ITGA8: variants seen among roughly 807,000 people sequenced by gnomAD.
ITGA8 encodes the protein integrin alpha-8.
ITGA8 carries 91 observed loss-of-function variants against 142.3 expected under a neutral mutation model. The ratio of observed to expected loss-of-function variants is 0.64; its 90% CI spans 0.54 to 0.76. ITGA8 has a LOEUF of 0.76. Among genes scored for constraint, ITGA8 ranks in the 30% least tolerant of loss-of-function variants. ITGA8 has a pLI of 0.00. For missense variants in ITGA8, 1,406 were observed against 1,327.7 expected, an observed-to-expected ratio of 1.06 and a Z score of -0.92; for synonymous variants, 505 against 485.2, an observed-to-expected ratio of 1.04 and a Z score of -0.54.
In ITGA8 at chr10:15,597,242, A is replaced by G. The variant is rs142698303; in HGVS notation, c.2176T>C (p.Cys726Arg). 6.2e-7 allele frequency: 1 copy of G among 1,614,000 alleles called. No homozygotes were observed. Among genetic ancestry groups the G allele is most frequent in the Non-Finnish European group, 8.5e-7 (1 of 1,179,940 alleles). Residue 726 changes from cysteine to arginine, a missense_variant, in exon 21 of 30, where the codon TGT (cysteine) becomes CGT (arginine). Transcript: ENST00000378076. ...KMENVTRMVVCDLGNPMVSGT... is the reference protein window; with the variant it reads ...KMENVTRMVVRDLGNPMVSGT... ...GACACCATAGGGTTCCCAAGGTCACACACCACCATCCTGGTTACATTTTCC... is the reference window on the plus strand; with the variant it reads ...GACACCATAGGGTTCCCAAGGTCACGCACCACCATCCTGGTTACATTTTCC...
chr10:15,529,544 T>C (rs1833249640), intron 28 of ITGA8, among the ~76,000 whole-genome samples: 1 of 152,178 alleles, frequency 6.6e-6, no homozygotes, highest in South Asian at 2.1e-4. Context: ...CCCTGCAGAA[T>C]TGTCTCTCAT....
chr10:15,528,901 A>C (rs1054541187), intron 28 of ITGA8, among the ~76,000 whole-genome samples: 1 of 152,120 alleles, frequency 6.6e-6, no homozygotes, highest in African/African-American at 2.4e-5. Flanking sequence ...ATACCACCGA[A>C]GTTTACTGAA....
At chr10:15,658,822 A>G (rs1290995490) in intron 10 of ITGA8, among the ~76,000 whole-genome samples, 177 bp downstream of exon 10, 1 of 152,106 alleles carries the variant, frequency 6.6e-6, no homozygotes, top group Non-Finnish European at 1.5e-5. Context: ...GCTGCCTGAG[A>G]GCTGGATGGG....
Position 15,530,039 on chromosome 10 carries a change from C to T in ITGA8, c.2982+1011G>A, listed in dbSNP as rs370934063. Among the ~76,000 whole-genome samples, 8 of 152,284 alleles carry T rather than the reference C, an allele frequency of 5.3e-5. No homozygotes were observed. The East Asian group carries it at 1.5e-3, about 29-fold the overall frequency. ...GGCTACCAAGGGATGAAGGTGGAAT[C>T]CTAATATTGTTTTTTGGAGCACTAT... On this transcript the variant is annotated intron_variant, in intron 28 of 29. Coordinates refer to ENST00000378076, the MANE Select transcript of ITGA8 (RefSeq NM_003638.3).
intron 23 of ITGA8, among the ~76,000 whole-genome samples, chr10:15,580,126 T>TAAAAAAA (rs35286236): frequency 1.4e-3 from 156 of 108,758 alleles, no homozygotes; most frequent in African/African-American, 2.1e-3. Context: ...TCAGAAAATG[T>TAAAAAAA]AAAAAAAAAA....
chr10:15,609,371 T>A (rs1465843205), intron 15 of ITGA8, among the ~76,000 whole-genome samples: 2 of 152,202 alleles, frequency 1.3e-5, no homozygotes, highest in Non-Finnish European at 2.9e-5. Context: ...TTCTACAGAA[T>A]TCAAAGGGAG....
intron 2 of ITGA8, among the ~76,000 whole-genome samples, chr10:15,688,833 T>G (rs1156380182): frequency 6.6e-6 from 1 of 152,180 alleles, no homozygotes; most frequent in Admixed American, 6.5e-5. Context: ...AAGTTAGTTA[T>G]AGAGGGAATG....
In ITGA8 at chr10:15,658,232, G is replaced by A. The variant is rs139907359; in HGVS notation, c.948+767C>T. ...CTGTGGTCTCACACAGTTCATGAGC[G>A]GTGCGGTGGGAACTGGAAGTCTAAT... is the stretch of plus-strand genomic sequence containing the variant. On this transcript the variant is annotated intron_variant, in intron 10 of 29. Coordinates refer to ENST00000378076, the MANE Select transcript of ITGA8 (RefSeq NM_003638.3). Among the ~76,000 whole-genome samples, 463 of 152,284 alleles carry A rather than the reference G, an allele frequency of 3.0e-3. 1 individual carries two copies. Among genetic ancestry groups the A allele is most frequent in the Non-Finnish European group, 3.9e-3 (268 of 68,028 alleles).
intron 17 of ITGA8, among the ~76,000 whole-genome samples, chr10:15,607,061 G>C (rs1383119572): frequency 6.6e-6 from 1 of 152,172 alleles, no homozygotes; most frequent in African/African-American, 2.4e-5. Flanking sequence ...GTGTGATTGT[G>C]AACCTGTGAT....
chr10:15,529,110 TGAGAC>T (rs1029305651), intron 28 of ITGA8, among the ~76,000 whole-genome samples: 1 of 151,984 alleles, frequency 6.6e-6, no homozygotes, highest in Non-Finnish European at 1.5e-5. Flanking sequence ...CTTCCTTTCT[TGAGAC>T]GAGGTCTCGC....
At chr10:15,676,154 C>T (rs928192305) in intron 6 of ITGA8, among the ~76,000 whole-genome samples, 3 of 152,156 alleles carry the variant, frequency 2.0e-5, no homozygotes, top group East Asian at 1.9e-4. Flanking sequence ...TTCTCACCTA[C>T]GCTGCCCTCC....
At chr10:15,671,932 A>G (rs1213439891) in intron 7 of ITGA8, among the ~76,000 whole-genome samples, 3 of 151,708 alleles carry the variant, frequency 2.0e-5, no homozygotes, top group Non-Finnish European at 2.9e-5. Context: ...TTTTAAAAGC[A>G]TGGATACTTC....
At chr10:15,618,588 A>C (rs1005054713) in intron 13 of ITGA8, among the ~76,000 whole-genome samples, 1 of 152,090 alleles carries the variant, frequency 6.6e-6, no homozygotes, top group African/African-American at 2.4e-5. Context: ...GGGTCAGTGG[A>C]CTGGGAAAGG....
chr10:15,589,311 T>C (rs1832883284), intron 22 of ITGA8, among the ~76,000 whole-genome samples: 1 of 152,176 alleles, frequency 6.6e-6, no homozygotes, highest in African/African-American at 2.4e-5. Context: ...ACAGTATTCA[T>C]CTCACCATTA....
chr10:15,670,578 T>G (rs1222869587), intron 8 of ITGA8, among the ~76,000 whole-genome samples: 1 of 152,232 alleles, frequency 6.6e-6, no homozygotes, highest in Non-Finnish European at 1.5e-5. Flanking sequence ...ACATAGACCT[T>G]GCCTTCAAGG....
rs193036202 is a variant in ITGA8, at chr10:15,559,684, G to A, written c.2638-1482C>T. On this transcript the variant is annotated intron_variant, in intron 25 of 29. Transcript: ENST00000378076. ...CATGTCCTTTGTAGGGACGTGGATGGAACTGGAAGCCATTATCCTCAGCAA... is the reference window on the plus strand; with the variant it reads ...CATGTCCTTTGTAGGGACGTGGATGAAACTGGAAGCCATTATCCTCAGCAA... Among the ~76,000 whole-genome samples, 1,448 of 152,216 alleles carry A rather than the reference G, an allele frequency of 9.5e-3. 11 individuals are homozygous for A. The highest frequency in any genetic ancestry group is 0.016 in the Non-Finnish European group (1,062 of 67,998).
At position 15,646,969 on chromosome 10, in the gene ITGA8, G is replaced by C. The variant is rs747042055; in HGVS notation, c.1084C>G (p.Leu362Val). 1.2e-5 allele frequency: 19 copies of C among 1,613,794 alleles called. No homozygotes were observed. The highest frequency in any genetic ancestry group is 1.6e-5 in the Non-Finnish European group (19 of 1,179,794). The change falls in exon 12 of 30, where the codon CTG becomes GTG. Residue 362 changes from leucine (L) to valine (V), a missense_variant. Leu to Val is a conservative substitution (Grantham distance 32). Coordinates refer to ENST00000378076, the MANE Select transcript of ITGA8 (RefSeq NM_003638.3). ...AGGAGAGAGCTCACTTGCAAATACA[G>C]GTAGATTTGCCCTACTTCTCTGGGG... ...SNPREVGQIY[L>V]YLQVSSLLFR...
intron 27 of ITGA8, among the ~76,000 whole-genome samples, chr10:15,544,450 G>A (rs1181770322): frequency 6.6e-6 from 1 of 152,160 alleles, no homozygotes. Flanking sequence ...TTCTGGTTTT[G>A]GACTTTGAGA....
At chr10:15,562,059 G>T (rs1345827624) in intron 25 of ITGA8, among the ~76,000 whole-genome samples, 2 of 152,142 alleles carry the variant, frequency 1.3e-5, no homozygotes, top group African/African-American at 2.4e-5. Flanking sequence ...AACCACCCCC[G>T]TGATCCAATT....
Sources: gnomAD v4.1 joint callset for allele counts (sites outside exome capture counted in the v4.1 genomes callset) on GRCh38, gnomAD v4.1.1 for gene constraint, MANE v1.5 for transcripts, NCBI Gene and HGNC (gene_info 2026-07-23, HGNC 2026-07-21) for gene names.